The following CFAP92 variants were observed in gnomAD, a reference collection of about 807,000 sequenced individuals.
CFAP92 encodes cilia and flagella associated protein 92 (putative).
A neutral mutation model predicts 106.3 loss-of-function variants in CFAP92; 86 were observed. That is an observed-to-expected ratio of 0.81 (90% CI 0.68 to 0.97). CFAP92 has a LOEUF of 0.97. Ranked by LOEUF, CFAP92 falls within the 50% of genes least tolerant of loss-of-function variation. The pLI, the probability that CFAP92 is intolerant of heterozygous loss-of-function variation, is 0.00. For missense variants in CFAP92, 1,204 were observed against 1,283.8 expected (o/e 0.94, Z 0.95); for synonymous variants, 477 against 506.4 (o/e 0.94, Z 0.78).
At chr3:129,025,369 C>T in the CFAP92 span, among the ~76,000 whole-genome samples, 2 of 152,106 alleles carry the variant, frequency 1.3e-5, no homozygotes, top group Non-Finnish European at 2.9e-5. Flanking sequence ...TCCCGGAAGC[C>T]ACGGGAAGAG....
At chr3:128,947,590 C>T (rs1241994881) in intron 9 of CFAP92, among the ~76,000 whole-genome samples, 6 of 152,344 alleles carry the variant, frequency 3.9e-5, no homozygotes, top group African/African-American at 1.4e-4. Flanking sequence ...AACAGATCCA[C>T]ACAAGTATGG....
chr3:128,912,464 C>A, intron 15 of CFAP92: 1 of 1,557,248 alleles, frequency 6.4e-7, no homozygotes, highest in Non-Finnish European at 8.9e-7. Flanking sequence ...TGTCTTATCA[C>A]GGTGCAGAAA....
chr3:128,930,376 C>A (rs905557387), intron 12 of CFAP92, among the ~76,000 whole-genome samples: 1 of 152,060 alleles, frequency 6.6e-6, no homozygotes, highest in African/African-American at 2.4e-5. Flanking sequence ...TGGTCTCGAT[C>A]TCCTGATTTC....
chr3:128,972,876 TAGAG>T (rs1241976253), intron 7 of CFAP92, among the ~76,000 whole-genome samples: 14 of 145,314 alleles, frequency 9.6e-5, no homozygotes, highest in East Asian at 2.0e-4. Context: ...AAAAAAAAGA[TAGAG>T]AGATGATGTT....
At position 128,978,094 on chromosome 3, in the gene CFAP92, A is replaced by G. The variant is rs779792164; in HGVS notation, c.759T>C (p.His253=). ...CTGTTTTTTCTTGTTTTCCTGGCGGATGTTCCTGGTTCGACTCTTCTCTGA... is the reference window on the plus strand; with the variant it reads ...CTGTTTTTTCTTGTTTTCCTGGCGGGTGTTCCTGGTTCGACTCTTCTCTGA... The part of the protein sequence containing the change: ...NIVREESNQE[H]PPGKQEKTEK... Residue 253 remains histidine (H), a synonymous_variant, in exon 5 of 16, where the codon CAT becomes CAC. Coordinates refer to ENST00000645291, the MANE Select transcript of CFAP92 (RefSeq NM_001394090.1). The G allele has an allele frequency of 6.2e-7, 1 of 1,613,964 alleles. No individual in the cohort carries two copies. Among genetic ancestry groups the G allele is most frequent in the South Asian group, 1.1e-5 (1 of 91,076 alleles).
intron 1 of CFAP92, chr3:129,002,407 G>C: frequency 6.9e-7 from 1 of 1,442,256 alleles, no homozygotes. Flanking sequence ...AGCCCGACAG[G>C]ACAGAGTCAG....
intron 10 of CFAP92, among the ~76,000 whole-genome samples, chr3:128,936,033 G>A (rs1938979825): frequency 6.6e-6 from 1 of 152,248 alleles, no homozygotes; most frequent in South Asian, 2.1e-4. Context: ...CTGGCTCATG[G>A]CCTGTGCCTG....
At chr3:128,962,815 A>G (rs1478754529) in intron 9 of CFAP92, among the ~76,000 whole-genome samples, 1 of 152,208 alleles carries the variant, frequency 6.6e-6, no homozygotes, top group Non-Finnish European at 1.5e-5. Flanking sequence ...AAAACCAGAC[A>G]AGGCTTACAA....
intron 10 of CFAP92, among the ~76,000 whole-genome samples, chr3:128,940,138 CCTTTTT>C (rs1402394783): frequency 2.6e-5 from 4 of 152,190 alleles, no homozygotes; most frequent in Non-Finnish European, 4.4e-5. Flanking sequence ...GTGTTTCATT[CCTTTTT>C]ATGTCCAAAT....
chr3:128,989,536 G>T (rs1465877134), intron 2 of CFAP92, among the ~76,000 whole-genome samples: 2 of 152,134 alleles, frequency 1.3e-5, no homozygotes, highest in African/African-American at 4.8e-5. Flanking sequence ...TAGGGTGACA[G>T]GATGTGGAAG....
chr3:128,988,604 G>A, intron 3 of CFAP92, 124 bp downstream of exon 3: 2 of 966,302 alleles, frequency 2.1e-6, no homozygotes, highest in South Asian at 1.7e-5. Context: ...TCAGGAGGTG[G>A]GGCCCGGGAT....
chr3:128,911,965 T>C (rs1936375535), intron 15 of CFAP92, among the ~76,000 whole-genome samples: 1 of 152,238 alleles, frequency 6.6e-6, no homozygotes, highest in African/African-American at 2.4e-5. Context: ...CTATAGCCAC[T>C]CGACCATATC....
At chr3:128,999,471 G>A (rs1307782872) in intron 1 of CFAP92, among the ~76,000 whole-genome samples, 1 of 151,904 alleles carries the variant, frequency 6.6e-6, no homozygotes, top group East Asian at 1.9e-4. Flanking sequence ...GGGTGGGGAG[G>A]GTGTTGCACT....
At chr3:128,941,633 C>CA (rs1939645022) in intron 10 of CFAP92, among the ~76,000 whole-genome samples, 1 of 152,036 alleles carries the variant, frequency 6.6e-6, no homozygotes, top group Non-Finnish European at 1.5e-5. Flanking sequence ...TGTGCCACCA[C>CA]GCCCAGCTAA....
intron 9 of CFAP92, among the ~76,000 whole-genome samples, chr3:128,953,831 C>T (rs1400593790): frequency 8.0e-6 from 1 of 124,428 alleles, no homozygotes; most frequent in Middle Eastern, 3.3e-3. Context: ...GGTCTCCAGC[C>T]CCTAACCGCG....
chr3:128,979,624 G>C (rs1160438191), intron 4 of CFAP92, among the ~76,000 whole-genome samples: 1 of 152,070 alleles, frequency 6.6e-6, no homozygotes, highest in Non-Finnish European at 1.5e-5. Context: ...CCATAAAAAA[G>C]GATGAGTTCA....
Position 128,987,757 on chromosome 3 carries a change from T to C in CFAP92, c.526A>G (p.Lys176Glu). The C allele has an allele frequency of 1.9e-6, 3 of 1,614,004 alleles. No individual in the cohort carries two copies. In the South Asian group the frequency reaches 3.3e-5, roughly 18 times the overall value. The change falls in exon 4 of 16, where the codon AAG (lysine) becomes GAG (glutamate). Residue 176 changes from lysine (K) to glutamate (E), a missense_variant. Lys to Glu is a moderately conservative substitution (Grantham distance 56, BLOSUM62 1). Transcript: ENST00000645291. The part of the protein sequence containing the change: ...WEQTFNITVT[K>E]ELLKKINFHK... ...AAATTTATTTTCTTTAATAATTCCT[T>C]TGTCACAGTGATATTAAAAGTCTGC... is the stretch of plus-strand genomic sequence containing the variant.
At chr3:128,998,843 G>A (rs1235043813), upstream of CFAP92, among the ~76,000 whole-genome samples, 1 of 152,188 alleles carries the variant, frequency 6.6e-6, no homozygotes, top group Admixed American at 6.5e-5. Flanking sequence ...CAAGTTGAAT[G>A]AGCTACGATT....
At chr3:128,984,806 G>T (rs1203616845) in intron 4 of CFAP92, among the ~76,000 whole-genome samples, 1 of 152,110 alleles carries the variant, frequency 6.6e-6, no homozygotes, top group Non-Finnish European at 1.5e-5. Flanking sequence ...ACAAGTTCTG[G>T]CATGTGACCT....
Sources: gnomAD v4.1 joint callset for allele counts (sites outside exome capture counted in the v4.1 genomes callset) on GRCh38, gnomAD v4.1.1 for gene constraint, MANE v1.5 for transcripts, NCBI Gene and HGNC (gene_info 2026-07-23, HGNC 2026-07-21) for gene names.